Variants in TRIM37 observed in about 807,000 individuals in gnomAD.
TRIM37 encodes E3 ubiquitin-protein ligase TRIM37.
TRIM37 carries 80 observed loss-of-function variants against 129.8 expected under a neutral mutation model. That is an observed-to-expected ratio of 0.62 (90% confidence interval 0.51 to 0.74). The LOEUF (loss-of-function observed/expected upper bound fraction) is 0.74. TRIM37 is among the 30% of genes least tolerant of loss of function. The pLI is 0.00. For missense variants in TRIM37, 1,054 were observed against 1,176.5 expected (o/e 0.90, Z 1.52); for synonymous variants, 389 against 387.1 (o/e 1.00, Z -0.06).
chr17:59,007,157 C>CG (rs2034595741), intron 22 of TRIM37, among the ~76,000 whole-genome samples: 1 of 18,552 alleles, frequency 5.4e-5, no homozygotes, highest in African/African-American at 2.3e-4. Context: ...CCCCACCCTC[C>CG]AACACACACA....
intron 4 of TRIM37, among the ~76,000 whole-genome samples, chr17:59,085,479 G>C (rs2043673244): frequency 6.6e-6 from 1 of 152,094 alleles, no homozygotes; most frequent in African/African-American, 2.4e-5. Flanking sequence ...AATCACTAGA[G>C]AAATGTGAAT....
chr17:58,967,444 C>T, the TRIM37 span, among the ~76,000 whole-genome samples: 1 of 150,310 alleles, frequency 6.7e-6, no homozygotes, highest in Admixed American at 6.7e-5. Context: ...ATAAAAATGA[C>T]GAAAAGTAGG....
chr17:59,004,568 G>C (rs2034227073), intron 22 of TRIM37, among the ~76,000 whole-genome samples: 1 of 152,180 alleles, frequency 6.6e-6, no homozygotes, highest in South Asian at 2.1e-4. Flanking sequence ...AACAAAAAGA[G>C]AGCAAACAAA....
At chr17:59,058,139 T>A (rs2041141615) in intron 12 of TRIM37, among the ~76,000 whole-genome samples, 1 of 152,226 alleles carries the variant, frequency 6.6e-6, no homozygotes, top group African/African-American at 2.4e-5. Context: ...AGCAAATTAT[T>A]GTGTATTCAG....
intron 17 of TRIM37, among the ~76,000 whole-genome samples, chr17:59,037,763 T>C (rs1294477165): frequency 6.6e-6 from 1 of 152,152 alleles, no homozygotes; most frequent in East Asian, 1.9e-4. Flanking sequence ...CTAAATCCTA[T>C]ACTTTATTGA....
intron 17 of TRIM37, among the ~76,000 whole-genome samples, chr17:59,034,842 G>A (rs538751059): frequency 6.6e-6 from 1 of 152,132 alleles, no homozygotes; most frequent in Non-Finnish European, 1.5e-5. Flanking sequence ...CAGTACCCCA[G>A]AACCCCCTCC....
chr17:58,992,595 G>A (rs905339435), intron 24 of TRIM37, among the ~76,000 whole-genome samples: 3 of 152,132 alleles, frequency 2.0e-5, no homozygotes, highest in Middle Eastern at 3.4e-3. Flanking sequence ...GGTCAGGCTG[G>A]TCTCGAACTC....
intron 2 of TRIM37, among the ~76,000 whole-genome samples, chr17:59,101,655 CAAAAAAA>C (rs763661189): frequency 3.3e-3 from 195 of 58,752 alleles, no homozygotes; most frequent in African/African-American, 0.01. Context: ...CCCATCTCTA[CAAAAAAA>C]AAAAAAAAAA....
chr17:59,063,954 G>C (rs1305992509), intron 10 of TRIM37, among the ~76,000 whole-genome samples: 1 of 152,126 alleles, frequency 6.6e-6, no homozygotes, highest in East Asian at 1.9e-4. Context: ...AGGAGTTTGA[G>C]ACCAGCCTAG....
At chr17:59,001,468 A>T in intron 23 of TRIM37, 130 bp downstream of exon 23, 1 of 1,122,216 alleles carries the variant, frequency 8.9e-7, no homozygotes, top group Non-Finnish European at 1.3e-6. Flanking sequence ...AAAAAAAAAA[A>T]AGAAGTAGAA....
intron 19 of TRIM37, among the ~76,000 whole-genome samples, chr17:59,019,035 TCA>T (rs1567989663): frequency 2.0e-5 from 3 of 152,182 alleles, no homozygotes; most frequent in African/African-American, 7.2e-5. Context: ...CCTGGAGCCC[TCA>T]TATACTGCTG....
intron 1 of TRIM37, 41 bp downstream of exon 1, chr17:59,106,400 G>C (rs200430171): frequency 6.2e-7 from 1 of 1,613,538 alleles, no homozygotes; most frequent in Admixed American, 1.7e-5. Flanking sequence ...CGCTCATCGG[G>C]TGGGGGCGGG....
chr17:58,980,844 A>G (rs1401743323), downstream of TRIM37: 1 of 1,614,204 alleles, frequency 6.2e-7, no homozygotes, highest in Admixed American at 1.7e-5. This position sits in a 1 kb window ranked among gnomAD's most constrained non-coding sequence, Gnocchi z 4.7. Context: ...CTCTCTGCTC[A>G]AGAGCCTTCC....
chr17:59,084,587 T>C (rs1177705424), intron 4 of TRIM37, among the ~76,000 whole-genome samples: 4 of 152,210 alleles, frequency 2.6e-5, no homozygotes, highest in African/African-American at 9.6e-5. Context: ...AAACTGGATA[T>C]TCACATGAAA....
intron 22 of TRIM37, among the ~76,000 whole-genome samples, chr17:59,008,434 T>C (rs947942225): frequency 1.3e-5 from 2 of 152,248 alleles, no homozygotes; most frequent in African/African-American, 4.8e-5. Flanking sequence ...CGATCTTCAC[T>C]ATGGCCAAGC....
intron 24 of TRIM37, chr17:58,983,244 G>A (rs1022642173): frequency 4.7e-5 from 11 of 233,776 alleles, no homozygotes; most frequent in Non-Finnish European, 9.1e-5. Flanking sequence ...GTTCTAGTGT[G>A]GTCGTTATAA....
At chr17:59,000,003 T>G (rs1205784102) in intron 23 of TRIM37, among the ~76,000 whole-genome samples, 1 of 152,188 alleles carries the variant, frequency 6.6e-6, no homozygotes, top group East Asian at 1.9e-4. Context: ...CAGGAAAATA[T>G]GCAAAATATA....
intron 16 of TRIM37, among the ~76,000 whole-genome samples, chr17:59,047,384 GA>G (rs1423307319): frequency 5.3e-5 from 8 of 152,078 alleles, no homozygotes; most frequent in Non-Finnish European, 8.8e-5. Flanking sequence ...AAGTGTTTCA[GA>G]AAAAATTATA....
At chr17:59,073,309 T>A (rs1388012248) in intron 8 of TRIM37, among the ~76,000 whole-genome samples, 1 of 152,226 alleles carries the variant, frequency 6.6e-6, no homozygotes, top group Non-Finnish European at 1.5e-5. Context: ...TTTTTTTTTT[T>A]TTGAGACAGG....
Sources: allele counts gnomAD v4.1 joint callset (sites outside exome capture counted in the v4.1 genomes callset), GRCh38; gene constraint gnomAD v4.1.1; non-coding constraint Gnocchi (gnomAD v3.1); transcripts MANE v1.5; gene names NCBI Gene and HGNC (gene_info 2026-07-23, HGNC 2026-07-21).